PHF8: variants seen among roughly 807,000 people sequenced by gnomAD.
PHF8 encodes the protein histone lysine demethylase PHF8.
A neutral mutation model predicts 74.4 loss-of-function variants in PHF8; 9 were observed. The observed-to-expected ratio is 0.12, with a 90% CI of 0.07 to 0.21. The LOEUF is 0.21. Ranked by LOEUF, PHF8 falls within the 10% of genes least tolerant of loss-of-function variation. The pLI is 1.00. For synonymous variants in PHF8, 311 were observed against 316.6 expected (o/e 0.98, Z 0.19); for missense variants, 478 against 816.6 (o/e 0.59, Z 5.05).
intron 2 of PHF8, among the ~76,000 whole-genome samples, chrX:54,037,724 T>C (rs1054292800): frequency 2.3e-4 from 26 of 112,584 alleles, no homozygotes; most frequent in African/African-American, 7.1e-4. Flanking sequence ...GTAATTTGAA[T>C]AGTCCTATAA....
At chrX:53,942,305 G>A (rs1187061521) in intron 20 of PHF8, among the ~76,000 whole-genome samples, 1 of 111,981 alleles carries the variant, frequency 8.9e-6, no homozygotes, top group Non-Finnish European at 1.9e-5. Flanking sequence ...CATTCTAAAA[G>A]AGCTTGTACG....
rs1557084439 is a variant in PHF8, at chrX:53,944,234, G to A, written c.2549C>T (p.Thr850Ile). The A allele has an allele frequency of 1.9e-5, 23 of 1,203,405 alleles. No individual in the cohort carries two copies. Among genetic ancestry groups the A allele is most frequent in the Non-Finnish European group, 2.6e-5 (23 of 888,539 alleles). Residue 850 changes from threonine to isoleucine, a missense_variant, in exon 20 of 22, where the codon ACC (threonine) becomes ATC (isoleucine). Thr to Ile is a moderately conservative substitution (Grantham distance 89). Around this residue, in one of 9 missense-constraint regions of PHF8, gnomAD observed 35 missense variants for 78.8 expected, o/e 0.44. Transcript: ENST00000338154. ...ACGGTCCTGCTTCGGCAGAGTTGGGGTCACGCGGGCTGCAAGGGAAACAGG... is the reference window on the plus strand; with the variant it reads ...ACGGTCCTGCTTCGGCAGAGTTGGGATCACGCGGGCTGCAAGGGAAACAGG... The part of the protein sequence containing the change: ...DAPWSPKARV[T>I]PTLPKQDRPV...
At chrX:54,005,340 T>C (rs1215898753) in intron 8 of PHF8, among the ~76,000 whole-genome samples, 2 of 106,582 alleles carry the variant, frequency 1.9e-5, no homozygotes, top group African/African-American at 6.9e-5. Flanking sequence ...TGGTGGCACA[T>C]GCCTGTAATC....
chrX:54,004,586 T>C (rs1231433569), intron 8 of PHF8, among the ~76,000 whole-genome samples: 3 of 111,188 alleles, frequency 2.7e-5, no homozygotes, highest in African/African-American at 9.8e-5. Flanking sequence ...GAAATAGAAA[T>C]TCTCAGCAAA....
At chrX:53,995,010 T>A (rs1398474731) in intron 12 of PHF8, 1 of 270,232 alleles carries the variant, frequency 3.7e-6, no homozygotes, top group Non-Finnish European at 7.3e-6. Context: ...TAGCTTTTGA[T>A]CCTAACAAAA....
chrX:53,956,276 A>C (rs995301373), intron 19 of PHF8, among the ~76,000 whole-genome samples: 6 of 111,537 alleles, frequency 5.4e-5, no homozygotes, highest in Non-Finnish European at 1.1e-4. Context: ...TGGTTTTTCT[A>C]AGTCATAAAT....
chrX:53,938,177 T>C lies in PHF8; in HGVS notation c.*981A>G. The C allele has an allele frequency of 9.1e-7, 1 of 1,099,925 alleles. No individual in the cohort carries two copies. Among genetic ancestry groups the C allele is most frequent in the Non-Finnish European group, 1.2e-6 (1 of 841,562 alleles). The allele number at this position is 1,099,925 out of a possible 1,213,427, so 90.6% of individuals were successfully genotyped here. Reference sequence around the variant, plus strand: ...CGATGGAGGACCCAGGTGTGGGCCGTCCCGCCACACCCTCCATAATGTCCA... The same window carrying C: ...CGATGGAGGACCCAGGTGTGGGCCGCCCCGCCACACCCTCCATAATGTCCA... On this transcript the variant is annotated 3_prime_UTR_variant, in exon 22 of 22. Transcript: ENST00000338154.
chrX:53,959,358 C>T (rs182341362), intron 19 of PHF8, among the ~76,000 whole-genome samples: 83 of 111,914 alleles, frequency 7.4e-4, no homozygotes, highest in Admixed American at 4.8e-3. Flanking sequence ...TGCCCTTCTA[C>T]TTTGCATCCT....
chrX:54,045,111 C>T (rs782663479), upstream of PHF8: 2 of 386,413 alleles, frequency 5.2e-6, no homozygotes, highest in Non-Finnish European at 9.0e-6. Context: ...GCTGCCAACT[C>T]CACAACTCCC....
In PHF8 at chrX:54,011,195, C is replaced by T; in HGVS notation, c.873G>A (p.Met291Ile). The change falls in exon 8 of 22, where the codon ATG becomes ATA. Residue 291 changes from methionine to isoleucine, a missense_variant. By Grantham distance (10) the Met-to-Ile change is conservative. Coordinates refer to ENST00000338154, the MANE Select transcript of PHF8 (RefSeq NM_015107.3). ...CWSSSSNQNEMFFGDQVDKCY... is the reference protein window; with the variant it reads ...CWSSSSNQNEIFFGDQVDKCY... ...ACTTGTCCACCTGGTCCCCAAAGAA[C>T]ATCTCATTCTGATTAGAGGAACTGC... 8.3e-7 allele frequency: 1 copy of T among 1,207,728 alleles called. No homozygotes were observed. Among genetic ancestry groups the T allele is most frequent in the Non-Finnish European group, 1.1e-6 (1 of 891,716 alleles).
chrX:54,044,878 G>A (rs1318687486), upstream of PHF8: 1 of 1,154,737 alleles, frequency 8.7e-7, no homozygotes, highest in Non-Finnish European at 1.2e-6. Context: ...TACTCACCGC[G>A]GCTCCTGTTC....
intron 11 of PHF8, among the ~76,000 whole-genome samples, chrX:53,997,158 C>A: frequency 9.0e-6 from 1 of 111,719 alleles, no homozygotes; most frequent in Non-Finnish European, 1.9e-5. Flanking sequence ...GACAAACCAG[C>A]CTCTCCACTT....
intron 12 of PHF8, 150 bp from the exon 13 acceptor site, chrX:53,994,053 G>C (rs781792954): frequency 2.2e-6 from 1 of 457,444 alleles, no homozygotes; most frequent in African/African-American, 2.4e-5. Flanking sequence ...TTTACATAAT[G>C]AGTCATCAAG....
At chrX:53,993,373 C>T (rs2065697790) in intron 13 of PHF8, among the ~76,000 whole-genome samples, 2 of 112,105 alleles carry the variant, frequency 1.8e-5, no homozygotes, top group African/African-American at 6.5e-5. Flanking sequence ...TTATGCCTGT[C>T]TTTCTCACTC....
intron 2 of PHF8, among the ~76,000 whole-genome samples, chrX:54,034,204 C>T (rs1014417835): frequency 1.8e-5 from 2 of 111,480 alleles, no homozygotes; most frequent in Admixed American, 1.9e-4. Flanking sequence ...AGGACTACAA[C>T]AAAAGACAAA....
At chrX:53,944,269 T>G (rs1416032894) in intron 19 of PHF8, 26 bp from the exon 20 acceptor site, 1 of 1,066,659 alleles carries the variant, frequency 9.4e-7, no homozygotes, top group East Asian at 3.0e-5. Context: ...GATGAGAAGG[T>G]GTCACTAAGA....
chrX:53,976,590 G>C (rs1375816868), intron 18 of PHF8, among the ~76,000 whole-genome samples: 2 of 107,796 alleles, frequency 1.9e-5, no homozygotes, highest in African/African-American at 6.8e-5. Flanking sequence ...TCAGGAGTTT[G>C]ACACAAGGCT....
At position 54,029,112 on chromosome X, in the gene PHF8, T is replaced by A. The variant is rs1372218286; in HGVS notation, c.99-6269A>T. On this transcript the variant is annotated intron_variant, in intron 2 of 21. Transcript: ENST00000338154. ...ATCAGCATGTCCTATCAACTCTCTT[T>A]ATTAGCTATCAATTGTGTTAATTTG... Among the ~76,000 whole-genome samples, 6 of 111,969 alleles carry A rather than the reference T, an allele frequency of 5.4e-5. No individual in the cohort carries two copies. In the East Asian group the frequency reaches 1.7e-3, roughly 31 times the overall value.
At chrX:53,995,919 CA>C (rs879965477) in intron 11 of PHF8, 137 bp from the exon 12 acceptor site, 4,360 of 293,992 alleles carry the variant, frequency 0.015, no homozygotes, top group Middle Eastern at 0.021. Context: ...TATCCACATG[CA>C]AAAAAAAAAA....
Sources: allele counts gnomAD v4.1 joint callset (sites outside exome capture counted in the v4.1 genomes callset), GRCh38; gene constraint gnomAD v4.1.1; regional missense constraint gnomAD v4.1.1; transcripts MANE v1.5; gene names NCBI Gene and HGNC (gene_info 2026-07-23, HGNC 2026-07-21).